The following KRTDAP variants were observed in gnomAD, a reference collection of about 807,000 sequenced individuals.
The protein encoded by KRTDAP is keratinocyte differentiation-associated protein.
A neutral mutation model predicts 18.6 loss-of-function variants in KRTDAP; 14 were observed. The ratio of observed to expected loss-of-function variants is 0.75; its 90% CI spans 0.50 to 1.18. KRTDAP has a LOEUF of 1.18. Among genes scored for constraint, KRTDAP ranks in the 50% most tolerant of loss-of-function variants. The pLI is 0.00. For missense variants in KRTDAP, 114 were observed against 121.3 expected (o/e 0.94, Z 0.28); for synonymous variants, 53 against 49.5 (o/e 1.07, Z -0.29).
chr19:35,487,606 G>C, intron 5 of KRTDAP, 106 bp downstream of exon 5: 1 of 1,183,256 alleles, frequency 8.5e-7, no homozygotes. Flanking sequence ...CTTCAGTTTG[G>C]TGAGAAGGCT....
chr19:35,488,597 C>A, intron 3 of KRTDAP, 65 bp downstream of exon 3: 4 of 1,610,718 alleles, frequency 2.5e-6, no homozygotes, highest in Non-Finnish European at 3.4e-6. Flanking sequence ...AAGCTCTCTA[C>A]CAAGGCGTTT....
chr19:35,488,767 C>T (rs745985347), intron 2 of KRTDAP, 35 bp downstream of exon 2: 3 of 1,614,118 alleles, frequency 1.9e-6, no homozygotes, highest in South Asian at 1.1e-5. Flanking sequence ...AGGACAGACT[C>T]GTGGCTGGAG....
intron 3 of KRTDAP, 61 bp downstream of exon 3, chr19:35,488,601 G>C: frequency 6.2e-7 from 1 of 1,610,220 alleles, no homozygotes; most frequent in Admixed American, 1.7e-5. Context: ...TCTCTACCAA[G>C]GCGTTTATCC....
In KRTDAP at chr19:35,487,472, G is replaced by A; in HGVS notation, c.262-6C>T. 1 of 1,613,818 alleles carries A rather than the reference G, an allele frequency of 6.2e-7. No individual in the cohort carries two copies. The highest frequency in any genetic ancestry group is 8.5e-7 in the Non-Finnish European group (1 of 1,179,718). The stretch of plus-strand genomic sequence containing the variant: ...GCGCTCCTCAGTCCTTTCAGCTAGA[G>A]GGAGAGGGGTCAGGGTTAGATGGGG... On this transcript the variant is annotated splice_region_variant and splice_polypyrimidine_tract_variant and intron_variant, in intron 5 of 5. Transcript: ENST00000338897.
chr19:35,488,546 C>A, intron 3 of KRTDAP, 61 bp from the exon 4 acceptor site: 1 of 1,605,886 alleles, frequency 6.2e-7, no homozygotes, highest in Non-Finnish European at 8.5e-7. Context: ...AGCTTAGCCC[C>A]CAGCCCTCTG....
chr19:35,487,381 T>A lies in KRTDAP; in HGVS notation c.*47A>T. 6.3e-7 allele frequency: 1 copy of A among 1,577,558 alleles called. No individual in the cohort carries two copies. The highest frequency in any genetic ancestry group is 1.1e-5 in the South Asian group (1 of 90,444). On this transcript the variant is annotated 3_prime_UTR_variant, in exon 6 of 6. Transcript: ENST00000338897. ...GAGGCAGGAAAGAGTTATGGTAGGT[T>A]GAGAATCAGCGCTCACGCTAGCCCC...
rs10410228 is a variant in KRTDAP, at chr19:35,488,794, C to A, written c.126+8G>T. On this transcript the variant is annotated splice_region_variant and intron_variant, in intron 2 of 5. Transcript: ENST00000338897. ...TGGCTGGAGGGCCGGGGAAAACAGA[C>A]GGCTTACCTCGGGTCGTGACGCATA... is the stretch of plus-strand genomic sequence containing the variant. 1 of 1,613,950 alleles carries A rather than the reference C, an allele frequency of 6.2e-7. No individual in the cohort carries two copies. The highest frequency in any genetic ancestry group is 8.5e-7 in the Non-Finnish European group (1 of 1,179,940).
chr19:35,489,059 A>G (rs188631694), intron 1 of KRTDAP, among the ~76,000 whole-genome samples: 60 of 152,338 alleles, frequency 3.9e-4, no homozygotes, highest in African/African-American at 1.3e-3. Context: ...CAGTGTCACC[A>G]TGGGCAGCAG....
rs1314853722 is a variant in KRTDAP, at chr19:35,488,426, C to T, written c.213+15G>A. 4 of 1,611,054 alleles carry T rather than the reference C, an allele frequency of 2.5e-6. No individual in the cohort carries two copies. The highest frequency in any genetic ancestry group is 4.5e-5 in the East Asian group (2 of 44,790). Reference sequence around the variant, plus strand: ...GCAGACAACCGAGGAGGGCAAGGGGCGCCGGAGCACTCACCTCAAAGAGGG... The same window carrying T: ...GCAGACAACCGAGGAGGGCAAGGGGTGCCGGAGCACTCACCTCAAAGAGGG... On this transcript the variant is annotated intron_variant, in intron 4 of 5. Transcript: ENST00000338897.
At chr19:35,487,792 T>C (rs767481680) in intron 4 of KRTDAP, 33 bp from the exon 5 acceptor site, 1 of 1,545,342 alleles carries the variant, frequency 6.5e-7, no homozygotes, top group Non-Finnish European at 8.9e-7. Flanking sequence ...GAGTGATGTG[T>C]TGCAGGTCAG....
intron 3 of KRTDAP, 54 bp from the exon 4 acceptor site, chr19:35,488,539 T>C: frequency 6.2e-7 from 1 of 1,607,452 alleles, no homozygotes; most frequent in Non-Finnish European, 8.5e-7. Context: ...AGGCCAGAGC[T>C]TAGCCCCCAG....
At chr19:35,488,616 TG>T in intron 3 of KRTDAP, 45 bp downstream of exon 3, 1 of 1,610,258 alleles carries the variant, frequency 6.2e-7, no homozygotes, top group Non-Finnish European at 8.5e-7. Flanking sequence ...TTATCCCCTC[TG>T]TGATGAGGGT....
Position 35,488,649 on chromosome 19 carries a change from G to C in KRTDAP, c.168+13C>G, listed in dbSNP as rs771838780. Reference sequence around the variant, plus strand: ...GGGTATTCGTGGGGGTAGCACCAGAGAAGCGTACTCACAGATCGCAATTTG... The same window carrying C: ...GGGTATTCGTGGGGGTAGCACCAGACAAGCGTACTCACAGATCGCAATTTG... On this transcript the variant is annotated intron_variant, in intron 3 of 5. Coordinates refer to ENST00000338897, the MANE Select transcript of KRTDAP (RefSeq NM_207392.3). 2 of 1,614,160 alleles carry C rather than the reference G, an allele frequency of 1.2e-6. No individual in the cohort carries two copies. The highest frequency in any genetic ancestry group is 1.7e-6 in the Non-Finnish European group (2 of 1,180,010).
At position 35,487,520 on chromosome 19, in the gene KRTDAP, G is replaced by T. The variant is rs796307130; in HGVS notation, c.262-54C>A. 1.4e-5 allele frequency: 20 copies of T among 1,466,734 alleles called. No individual in the cohort carries two copies. In the African/African-American group the frequency reaches 2.5e-4, roughly 18 times the overall value. The allele number at this position is 1,466,734 out of a possible 1,614,324, so 90.9% of individuals were successfully genotyped here. On this transcript the variant is annotated intron_variant, in intron 5 of 5. Transcript: ENST00000338897. ...GGGAACCCGTGGGTGCCCAGTATAG[G>T]ATGGCATGGATGGAAAGGAATTTCT...
intron 3 of KRTDAP, 41 bp downstream of exon 3, chr19:35,488,621 T>G (rs772132336): frequency 6.8e-6 from 11 of 1,610,324 alleles, no homozygotes; most frequent in South Asian, 2.2e-5. Context: ...CCCTCTGTGA[T>G]GAGGGTATTC....
chr19:35,489,017 A>G (rs977584131), intron 1 of KRTDAP, among the ~76,000 whole-genome samples, 177 bp from the exon 2 acceptor site: 2 of 152,186 alleles, frequency 1.3e-5, no homozygotes, highest in Non-Finnish European at 2.9e-5. Context: ...GTGCAGGGTG[A>G]GGAGGGGGAA....
chr19:35,487,977 C>A (rs547043007), intron 4 of KRTDAP, among the ~76,000 whole-genome samples: 1 of 152,224 alleles, frequency 6.6e-6, no homozygotes, highest in South Asian at 2.1e-4. Context: ...TTTACAGCAA[C>A]CTTTTGTGGT....
chr19:35,490,317 T>C (rs1478287887), intron 1 of KRTDAP, 39 bp downstream of exon 1: 2 of 1,321,860 alleles, frequency 1.5e-6, no homozygotes, highest in Admixed American at 2.0e-5. Flanking sequence ...GGTAGGTGGG[T>C]AACACGTATA....
intron 1 of KRTDAP, among the ~76,000 whole-genome samples, chr19:35,489,299 G>T (rs73928205): frequency 6.6e-6 from 1 of 152,106 alleles, no homozygotes; most frequent in Non-Finnish European, 1.5e-5. Flanking sequence ...ACTGTTGGAG[G>T]TTCCATAATC....
Sources: gnomAD v4.1 joint callset for allele counts (sites outside exome capture counted in the v4.1 genomes callset) on GRCh38, gnomAD v4.1.1 for gene constraint, MANE v1.5 for transcripts, NCBI Gene and HGNC (gene_info 2026-07-23, HGNC 2026-07-21) for gene names.